ABCA6: variants seen among roughly 807,000 people sequenced by gnomAD.
ABCA6 encodes ATP-binding cassette sub-family A member 6.
ABCA6 carries 164 observed loss-of-function variants against 191.2 expected under a neutral mutation model. The observed-to-expected ratio is 0.86, with a 90% CI of 0.76 to 0.98. ABCA6 has a LOEUF of 0.98. Among genes scored for constraint, ABCA6 ranks in the 50% least tolerant of loss-of-function variants. ABCA6 has a pLI of 0.00. For synonymous variants in ABCA6, 636 were observed against 647.7 expected, an observed-to-expected ratio of 0.98 and a Z score of 0.27; for missense variants, 1,958 against 1,894.1, an observed-to-expected ratio of 1.03 and a Z score of -0.63.
chr17:69,128,042 T>A (rs1264837435), intron 8 of ABCA6, among the ~76,000 whole-genome samples: 2 of 152,052 alleles, frequency 1.3e-5, no homozygotes, highest in Non-Finnish European at 2.9e-5. Flanking sequence ...GTTTAAAACA[T>A]GCAAAACCAA....
At position 69,097,918 on chromosome 17, in the gene ABCA6, A is replaced by G. The variant is rs1212325368; in HGVS notation, c.3120+2T>C. ...TTTCTTCTTTTCCCTGCTTTTTCTT[A>G]CCTTGTAATCACTGATGCTGCCCAT... On this transcript the variant is annotated splice_donor_variant, in intron 23 of 38. Coordinates refer to ENST00000284425, the MANE Select transcript of ABCA6 (RefSeq NM_080284.3). LOFTEE classifies it high-confidence loss of function. 1 of 1,576,166 alleles carries G rather than the reference A, an allele frequency of 6.3e-7. No homozygotes were observed.
intron 4 of ABCA6, 173 bp downstream of exon 4, chr17:69,135,919 G>T (rs2073938762): frequency 1.6e-6 from 1 of 633,646 alleles, no homozygotes; most frequent in Non-Finnish European, 2.7e-6. Context: ...TACAATTTTT[G>T]CAGTCATCCT....
At chr17:69,124,262 C>T (rs2073707040) in intron 9 of ABCA6, among the ~76,000 whole-genome samples, 1 of 151,676 alleles carries the variant, frequency 6.6e-6, no homozygotes, top group African/African-American at 2.4e-5. Flanking sequence ...CATAGAAAAC[C>T]TATAAGACAA....
intron 22 of ABCA6, 63 bp from the exon 23 acceptor site, chr17:69,098,090 C>T: frequency 8.0e-7 from 1 of 1,243,460 alleles, no homozygotes. Flanking sequence ...ATAATTATAG[C>T]CACAAAAATG....
chr17:69,140,803 A>C, intron 1 of ABCA6, 55 bp from the exon 2 acceptor site: 1 of 558,342 alleles, frequency 1.8e-6, no homozygotes, highest in Non-Finnish European at 3.0e-6. Context: ...TGAGGAAAAT[A>C]TTTACTACCT....
chr17:69,139,350 T>C (rs1240762199), intron 2 of ABCA6, among the ~76,000 whole-genome samples: 1 of 152,194 alleles, frequency 6.6e-6, no homozygotes, highest in Middle Eastern at 3.2e-3. Context: ...GAAAAAATGC[T>C]CATCATCACT....
intron 15 of ABCA6, chr17:69,112,645 G>C (rs2073448596): frequency 1.6e-5 from 3 of 183,096 alleles, no homozygotes; most frequent in African/African-American, 7.2e-5. Flanking sequence ...AGACACTGAA[G>C]ACTCGGAAGG....
chr17:69,105,402 T>A, intron 20 of ABCA6, 60 bp downstream of exon 20: 26 of 1,354,766 alleles, frequency 1.9e-5, no homozygotes, highest in South Asian at 2.7e-5. Context: ...CCCCACCTCC[T>A]GTGCTATTCA....
At chr17:69,079,533 T>C (rs1457083884) in intron 37 of ABCA6, among the ~76,000 whole-genome samples, 1 of 152,216 alleles carries the variant, frequency 6.6e-6, no homozygotes, top group Non-Finnish European at 1.5e-5. Context: ...ATACATATGT[T>C]CTTTGAAGAA....
chr17:69,122,140 G>C lies in ABCA6; in HGVS notation c.1436+1099C>G, dbSNP rs75597323. Among the ~76,000 whole-genome samples, 6 of 152,004 alleles carry C rather than the reference G, an allele frequency of 3.9e-5. No individual in the cohort carries two copies. In the East Asian group the frequency reaches 9.7e-4, roughly 24 times the overall value. On this transcript the variant is annotated intron_variant, in intron 10 of 38. Transcript: ENST00000284425. Reference sequence around the variant, plus strand: ...ATTACAATTCCAGTTCCCCACTTGCGAGTTGTGTGATATTGGGTAAAAGGC... The same window carrying C: ...ATTACAATTCCAGTTCCCCACTTGCCAGTTGTGTGATATTGGGTAAAAGGC...
chr17:69,130,884 C>T (rs1410609185), intron 6 of ABCA6, among the ~76,000 whole-genome samples: 2 of 152,178 alleles, frequency 1.3e-5, no homozygotes, highest in Non-Finnish European at 2.9e-5. Context: ...TCTATTCTCT[C>T]TAATCCTATT....
chr17:69,086,219 G>A (rs1030436103), intron 30 of ABCA6, among the ~76,000 whole-genome samples: 1 of 151,994 alleles, frequency 6.6e-6, no homozygotes, highest in Non-Finnish European at 1.5e-5. Context: ...ACACAAGTCC[G>A]CTAAAAACTC....
intron 16 of ABCA6, 63 bp from the exon 17 acceptor site, chr17:69,111,003 C>T: frequency 6.8e-7 from 1 of 1,474,780 alleles, no homozygotes; most frequent in South Asian, 1.4e-5. Context: ...AAAAGAAGAG[C>T]TTTAATTGAA....
In ABCA6 at chr17:69,083,257, T is replaced by C; in HGVS notation, c.4430A>G (p.Glu1477Gly). Residue 1477 changes from glutamate to glycine, a missense_variant, in exon 35 of 39, where the codon GAA becomes GGA. Transcript: ENST00000284425. Reference sequence around the variant, plus strand: ...GATGGCCACACGGTCACACAAGGCTTCCGCCTCAGCCAGGTTATGGGTGGT... The same window carrying C: ...GATGGCCACACGGTCACACAAGGCTCCCGCCTCAGCCAGGTTATGGGTGGT... ...LLTTHNLAEA[E>G]ALCDRVAIMV... is the part of the protein sequence containing the mutation. 1 of 1,610,900 alleles carries C rather than the reference T, an allele frequency of 6.2e-7. No individual in the cohort carries two copies. The highest frequency in any genetic ancestry group is 1.7e-5 in the Admixed American group (1 of 59,044).
intron 21 of ABCA6, among the ~76,000 whole-genome samples, chr17:69,102,409 C>T (rs1598461260): frequency 1.3e-5 from 2 of 152,072 alleles, no homozygotes; most frequent in African/African-American, 4.8e-5. Context: ...TTACCCAAAT[C>T]GACATATGCT....
rs1335292956 is a variant in ABCA6, at chr17:69,089,504, A to T, written c.3567T>A (p.Asn1189Lys). The T allele has an allele frequency of 1.9e-6, 3 of 1,613,600 alleles. No individual in the cohort carries two copies. Among genetic ancestry groups the T allele is most frequent in the Admixed American group, 3.3e-5 (2 of 59,988 alleles). The change falls in exon 27 of 39, where the codon AAT becomes AAA. Residue 1189 changes from asparagine to lysine, a missense_variant. Asn to Lys is a moderately conservative substitution (Grantham distance 94). Coordinates refer to ENST00000284425, the MANE Select transcript of ABCA6 (RefSeq NM_080284.3). Reference protein sequence around the residue: ...QEHYREFPEANFELSATDFLV... With the variant: ...QEHYREFPEAKFELSATDFLV... ...GAAAATCAGTGGCACTCAATTCAAA[A>T]TTTGCCTCTGGAAATTCTCTGTAGT...
chr17:69,131,268 T>C (rs1469960281), intron 6 of ABCA6, among the ~76,000 whole-genome samples: 1 of 152,210 alleles, frequency 6.6e-6, no homozygotes, highest in African/African-American at 2.4e-5. Context: ...TGCATCAATA[T>C]GTCCCAGTAG....
At chr17:69,132,432 CTGAT>C (rs976097164) in intron 6 of ABCA6, among the ~76,000 whole-genome samples, 98 of 152,168 alleles carry the variant, frequency 6.4e-4, no homozygotes, top group African/African-American at 2.3e-3. Flanking sequence ...ATCTTACTTA[CTGAT>C]TATTTGCTAG....
intron 16 of ABCA6, 85 bp downstream of exon 16, chr17:69,112,098 G>A: frequency 1.0e-6 from 1 of 995,704 alleles, no homozygotes; most frequent in Non-Finnish European, 1.6e-6. Flanking sequence ...TGAAGCACGA[G>A]GCCAGTTCTG....
Sources: allele counts gnomAD v4.1 joint callset (sites outside exome capture counted in the v4.1 genomes callset), GRCh38; gene constraint gnomAD v4.1.1; transcripts MANE v1.5; gene names NCBI Gene and HGNC (gene_info 2026-07-23, HGNC 2026-07-21).